The following TNNI3K variants were observed in gnomAD, a reference collection of about 807,000 sequenced individuals.
The protein encoded by TNNI3K is TNNI3 interacting kinase.
TNNI3K carries 140 observed loss-of-function variants against 114.5 expected under a neutral mutation model. That is an observed-to-expected ratio of 1.22 (90% CI 1.07 to 1.41). TNNI3K has a LOEUF of 1.41. Among genes scored for constraint, TNNI3K ranks in the 40% most tolerant of loss-of-function variants. The pLI is 0.00. For synonymous variants in TNNI3K, 347 were observed against 347.5 expected, an observed-to-expected ratio of 1.00 and a Z score of 0.02; for missense variants, 1,125 against 1,007.6, an observed-to-expected ratio of 1.12 and a Z score of -1.58.
At chr1:74,497,792 G>A (rs892220372) in intron 23 of TNNI3K, among the ~76,000 whole-genome samples, 1 of 151,992 alleles carries the variant, frequency 6.6e-6, no homozygotes, top group Non-Finnish European at 1.5e-5. Flanking sequence ...TATATTATTT[G>A]CATTAAAACC....
chr1:74,508,551 G>C (rs45587936), intron 23 of TNNI3K, among the ~76,000 whole-genome samples: 13,082 of 152,140 alleles, frequency 0.086, 1,371 homozygotes, highest in African/African-American at 0.25. Flanking sequence ...GAGAGAAAAG[G>C]GTTAAAAAAT....
At chr1:74,463,297 G>A in intron 20 of TNNI3K, 144 bp from the exon 21 acceptor site, 3 of 772,104 alleles carry the variant, frequency 3.9e-6, no homozygotes, top group South Asian at 3.4e-5. Flanking sequence ...AGACCATTGG[G>A]GGAAAAAAGC....
chr1:74,538,441 G>A (rs902420071), intron 23 of TNNI3K, among the ~76,000 whole-genome samples: 1 of 152,094 alleles, frequency 6.6e-6, no homozygotes, highest in African/African-American at 2.4e-5. Context: ...TATGTACCAG[G>A]CACTGTTCTG....
At chr1:74,347,255 G>T (rs536932714) in intron 9 of TNNI3K, among the ~76,000 whole-genome samples, 10 of 148,878 alleles carry the variant, frequency 6.7e-5, no homozygotes, top group African/African-American at 2.5e-4. Flanking sequence ...GCAGTGTTTG[G>T]TTTTTTATCC....
chr1:74,500,823 T>C (rs547322580), intron 23 of TNNI3K, among the ~76,000 whole-genome samples: 2 of 152,044 alleles, frequency 1.3e-5, no homozygotes, highest in Admixed American at 1.3e-4. Flanking sequence ...TTGTTGCTGT[T>C]AAAATTTCAT....
At chr1:74,493,708 C>A (rs759720629) in intron 23 of TNNI3K, among the ~76,000 whole-genome samples, 5 of 152,164 alleles carry the variant, frequency 3.3e-5, no homozygotes, top group Admixed American at 2.0e-4. Context: ...GGTCTATCAA[C>A]CTCCTTGGAC....
rs57807558 is a variant in TNNI3K, at chr1:74,251,680, G to C, written c.333+911G>C. 3.0e-4 allele frequency among the ~76,000 whole-genome samples: 46 copies of C among 152,232 alleles called. No individual in the cohort carries two copies. In the East Asian group the frequency reaches 8.3e-3, roughly 27 times the overall value. ...TTTCAGTTTTGTGTGTGCACGTGTG[G>C]GAGGAGGGACAACTTTTTGCTTGTA... On this transcript the variant is annotated intron_variant, in intron 4 of 24. Coordinates refer to ENST00000326637, the MANE Select transcript of TNNI3K (RefSeq NM_015978.3).
chr1:74,418,097 A>T (rs1039823691), intron 17 of TNNI3K: 2 of 409,714 alleles, frequency 4.9e-6, no homozygotes, highest in Non-Finnish European at 9.6e-6. Context: ...ATACAAGTAA[A>T]CATGTTATAT....
intron 5 of TNNI3K, among the ~76,000 whole-genome samples, chr1:74,302,468 A>G (rs1250296183): frequency 6.6e-6 from 1 of 152,254 alleles, no homozygotes; most frequent in Non-Finnish European, 1.5e-5. Flanking sequence ...AAAAGCTGAG[A>G]TAGGCCAAAA....
At chr1:74,445,049 A>G (rs977912056) in intron 20 of TNNI3K, among the ~76,000 whole-genome samples, 2 of 152,140 alleles carry the variant, frequency 1.3e-5, no homozygotes, top group African/African-American at 4.8e-5. Flanking sequence ...TGGATTAAAG[A>G]CTTAAATGTA....
chr1:74,535,831 C>T (rs1166200325), intron 23 of TNNI3K, among the ~76,000 whole-genome samples: 1 of 152,136 alleles, frequency 6.6e-6, no homozygotes, highest in African/African-American at 2.4e-5. Flanking sequence ...TCTAACCACT[C>T]GTCATCTGGA....
At chr1:74,285,632 C>G (rs1657283482) in intron 5 of TNNI3K, among the ~76,000 whole-genome samples, 1 of 152,166 alleles carries the variant, frequency 6.6e-6, no homozygotes, top group South Asian at 2.1e-4. Flanking sequence ...GAACTGCACA[C>G]TAGAAATCAT....
chr1:74,475,491 C>G, intron 21 of TNNI3K: 1 of 716,824 alleles, frequency 1.4e-6, no homozygotes, highest in East Asian at 2.7e-5. Flanking sequence ...TGCTGCCTAC[C>G]CCACGGTCTT....
At position 74,367,913 on chromosome 1, in the gene TNNI3K, T is replaced by G. The variant is rs141856588; in HGVS notation, c.1270T>G (p.Ser424Ala). The part of the protein sequence containing the change: ...NEYSQPGGDG[S>A]YVSVPSPLGK... The stretch of plus-strand genomic sequence containing the variant: ...TTATATAATTTAATTTCTAGATGGC[T>G]CCTATGTGTCTGTTCCATCACCCTT... The change falls in exon 13 of 25, where the codon TCC (serine) becomes GCC (alanine). Residue 424 changes from serine to alanine, a missense_variant. By Grantham distance (99) the Ser-to-Ala change is moderately conservative. Coordinates refer to ENST00000326637, the MANE Select transcript of TNNI3K (RefSeq NM_015978.3). 6.3e-7 allele frequency: 1 copy of G among 1,576,296 alleles called. No homozygotes were observed. The highest frequency in any genetic ancestry group is 8.6e-7 in the Non-Finnish European group (1 of 1,166,258).
intron 5 of TNNI3K, among the ~76,000 whole-genome samples, chr1:74,296,775 T>C (rs1003403651): frequency 3.3e-5 from 5 of 152,240 alleles, no homozygotes; most frequent in Admixed American, 3.3e-4. Context: ...CCATTATTTG[T>C]GTCAAGCAAC....
chr1:74,473,395 G>A (rs980855011), intron 21 of TNNI3K, among the ~76,000 whole-genome samples: 5 of 151,886 alleles, frequency 3.3e-5, no homozygotes, highest in African/African-American at 1.2e-4. Context: ...TTATTTATTA[G>A]TATACTTTCT....
intron 17 of TNNI3K, among the ~76,000 whole-genome samples, chr1:74,433,080 C>G (rs929191158): frequency 6.6e-6 from 1 of 152,108 alleles, no homozygotes; most frequent in African/African-American, 2.4e-5. Flanking sequence ...CTGCCACCAT[C>G]TCTGTCACTG....
intron 23 of TNNI3K, among the ~76,000 whole-genome samples, chr1:74,514,644 G>A (rs913852753): frequency 6.6e-6 from 1 of 152,098 alleles, no homozygotes. Flanking sequence ...ATAGTAAGGG[G>A]GGAAGCTGGG....
chr1:74,506,738 C>T (rs962215685), intron 23 of TNNI3K, among the ~76,000 whole-genome samples: 1 of 152,138 alleles, frequency 6.6e-6, no homozygotes, highest in Non-Finnish European at 1.5e-5. Context: ...CTCTGGGGAC[C>T]TTTTAGTTTT....
Sources: allele counts gnomAD v4.1 joint callset (sites outside exome capture counted in the v4.1 genomes callset), GRCh38; gene constraint gnomAD v4.1.1; transcripts MANE v1.5; gene names NCBI Gene and HGNC (gene_info 2026-07-23, HGNC 2026-07-21).